TF: variants seen among roughly 807,000 people sequenced by gnomAD.
TF encodes the protein serotransferrin.
Under a neutral mutation model 82.4 loss-of-function variants are expected in TF, and 55 were observed. That is an observed-to-expected ratio of 0.67 (90% CI 0.54 to 0.84). The LOEUF (loss-of-function observed/expected upper bound fraction) is 0.84. Among genes scored for constraint, TF ranks in the 40% least tolerant of loss-of-function variants. The pLI, the probability that TF is intolerant of heterozygous loss-of-function variation, is 0.00. For missense variants in TF, 737 were observed against 868.4 expected, an observed-to-expected ratio of 0.85 and a Z score of 1.90; for synonymous variants, 332 against 332.6, an observed-to-expected ratio of 1.00 and a Z score of 0.02.
At chr3:133,748,333 C>A in intron 1 of TF, 79 bp from the exon 2 acceptor site, 1 of 1,582,476 alleles carries the variant, frequency 6.3e-7, no homozygotes, top group South Asian at 1.1e-5. Flanking sequence ...ATGTGGCTGT[C>A]AAGGCCTTTC....
chr3:133,788,218 G>C lies in TF; in HGVS notation c.*9598G>C, dbSNP rs13321671. ...ACTCTCCAACAGAGTAAATGACTTT[G>C]TAACTTTATTTCATCCTCTCCATTT... On this transcript the variant is annotated 3_prime_UTR_variant, in exon 17 of 17. Coordinates refer to ENST00000402696, the MANE Select transcript of TF (RefSeq NM_001063.4). 0.069 allele frequency: 10,574 copies of C among 152,256 alleles called. 404 individuals are homozygous for C. The highest frequency in any genetic ancestry group is 0.087 in the Non-Finnish European group (5,887 of 68,006). 9.4% of individuals were successfully genotyped at this position (152,256 alleles called of 1,614,324 possible).
the TF span, among the ~76,000 whole-genome samples, chr3:133,731,877 G>A: frequency 9.2e-5 from 14 of 152,262 alleles, no homozygotes; most frequent in East Asian, 1.9e-4. Context: ...ATTACTGTAC[G>A]GATTGCATGT....
intron 7 of TF, 84 bp from the exon 8 acceptor site, chr3:133,757,685 C>A: frequency 7.4e-7 from 1 of 1,350,918 alleles, no homozygotes; most frequent in Non-Finnish European, 1.1e-6. Context: ...TTGTTTCCTG[C>A]AGAGATTTCT....
the TF span, among the ~76,000 whole-genome samples, chr3:133,718,834 G>A: frequency 6.6e-6 from 1 of 152,180 alleles, no homozygotes; most frequent in Non-Finnish European, 1.5e-5. Context: ...TACCTACCTT[G>A]CCCTGAAATA....
At chr3:133,666,682 A>T in the TF span, among the ~76,000 whole-genome samples, 1 of 152,136 alleles carries the variant, frequency 6.6e-6, no homozygotes, top group Non-Finnish European at 1.5e-5. Flanking sequence ...ATTTAATTAG[A>T]TAAGCAAAAG....
rs1934527197 is a variant in TF, at chr3:133,782,114, G to A, written c.*3494G>A. The A allele has an allele frequency of 1.3e-5, 2 of 152,088 alleles. No homozygotes were observed. The highest frequency in any genetic ancestry group is 4.1e-4 in the South Asian group (2 of 4,832). 9.4% of individuals were successfully genotyped at this position (152,088 alleles called of 1,614,324 possible). A position where few individuals can be genotyped will look rare whatever the true frequency, so the allele number is the denominator to read the frequency against. ...ATTATGAGACACTAGATAATAATAG[G>A]ATGACTATTATCAAAAAGTCAAAAG... is the stretch of plus-strand genomic sequence containing the variant. On this transcript the variant is annotated 3_prime_UTR_variant, in exon 17 of 17. Transcript: ENST00000402696.
the TF span, among the ~76,000 whole-genome samples, chr3:133,691,179 A>G: frequency 6.6e-6 from 1 of 152,240 alleles, no homozygotes; most frequent in Non-Finnish European, 1.5e-5. Flanking sequence ...TAGGGAAATG[A>G]TCCAACCTCA....
At chr3:133,716,744 A>T in the TF span, among the ~76,000 whole-genome samples, 1 of 152,096 alleles carries the variant, frequency 6.6e-6, no homozygotes. Flanking sequence ...TTCCCATATC[A>T]CTCGGAGTAA....
chr3:133,753,794 T>C (rs984365299), intron 3 of TF, 91 bp downstream of exon 3: 4 of 1,018,886 alleles, frequency 3.9e-6, no homozygotes, highest in Non-Finnish European at 4.7e-6. Flanking sequence ...GGATATCAGA[T>C]ATAATGAACA....
At position 133,781,373 on chromosome 3, in the gene TF, T is replaced by C. The variant is rs1006222425; in HGVS notation, c.*2753T>C. ...AAGTGGTAAAAGTGGTAAGATAAAATTCAGTAAAGTGAAAGGAAATATTAA... is the reference window on the plus strand; with the variant it reads ...AAGTGGTAAAAGTGGTAAGATAAAACTCAGTAAAGTGAAAGGAAATATTAA... On this transcript the variant is annotated 3_prime_UTR_variant, in exon 17 of 17. Transcript: ENST00000402696. 1 of 151,846 alleles carries C rather than the reference T, an allele frequency of 6.6e-6. No homozygotes were observed. Among genetic ancestry groups the C allele is most frequent in the Non-Finnish European group, 1.5e-5 (1 of 67,952 alleles). 9.4% of individuals were successfully genotyped at this position (151,846 alleles called of 1,614,324 possible).
intron 2 of TF, among the ~76,000 whole-genome samples, chr3:133,751,918 C>G (rs555506384): frequency 9.9e-5 from 15 of 152,148 alleles, no homozygotes; most frequent in African/African-American, 3.6e-4. Flanking sequence ...CGTTTGAACC[C>G]TGGAGGCAGA....
chr3:133,681,193 C>T, the TF span, among the ~76,000 whole-genome samples: 2,529 of 152,262 alleles, frequency 0.017, 43 homozygotes, highest in Non-Finnish European at 0.027. Context: ...TTTGAGTCAC[C>T]GAAGTTAAGA....
At position 133,779,898 on chromosome 3, in the gene TF, T is replaced by C. The variant is rs1934480428; in HGVS notation, c.*1278T>C. On this transcript the variant is annotated 3_prime_UTR_variant, in exon 17 of 17. Transcript: ENST00000402696. ...TCCATATCAGCTGAAGACCTGGTCA[T>C]CTACCCAATCACATAAGCCATAAAT... The C allele has an allele frequency of 6.6e-6, 1 of 152,226 alleles. No individual in the cohort carries two copies. The highest frequency in any genetic ancestry group is 2.1e-4 in the South Asian group (1 of 4,828). The allele number at this position is 152,226 out of a possible 1,614,324, so 9.4% of individuals were successfully genotyped here.
At chr3:133,727,942 G>A in the TF span, among the ~76,000 whole-genome samples, 1 of 151,960 alleles carries the variant, frequency 6.6e-6, no homozygotes, top group African/African-American at 2.4e-5. Context: ...ATGAAATTCT[G>A]GATTGAAAAT....
chr3:133,693,928 C>T, the TF span, among the ~76,000 whole-genome samples: 4 of 152,246 alleles, frequency 2.6e-5, no homozygotes, highest in Middle Eastern at 3.4e-3. Context: ...GGCTCTCACA[C>T]CCTGCAGCGG....
At chr3:133,710,739 A>G in the TF span, among the ~76,000 whole-genome samples, 2 of 152,194 alleles carry the variant, frequency 1.3e-5, no homozygotes, top group Non-Finnish European at 2.9e-5. Context: ...TGGTGTGTCC[A>G]ACAATTTCTC....
chr3:133,770,366 C>T, intron 13 of TF, 142 bp from the exon 14 acceptor site: 1 of 783,564 alleles, frequency 1.3e-6, no homozygotes, highest in Non-Finnish European at 2.3e-6. Context: ...TCTCTTTATT[C>T]CTTACATTGC....
intron 9 of TF, among the ~76,000 whole-genome samples, chr3:133,763,607 C>T (rs1934049714): frequency 6.6e-6 from 1 of 152,316 alleles, no homozygotes; most frequent in African/African-American, 2.4e-5. Flanking sequence ...AGTATATTGC[C>T]AGGCCAAAGG....
intron 16 of TF, 150 bp downstream of exon 16, chr3:133,777,388 A>T: frequency 1.3e-6 from 1 of 740,786 alleles, no homozygotes; most frequent in Non-Finnish European, 2.3e-6. Context: ...TAAGCCCGGC[A>T]TGTATGACAG....
Sources: gnomAD v4.1 joint callset for allele counts (sites outside exome capture counted in the v4.1 genomes callset) on GRCh38, gnomAD v4.1.1 for gene constraint, MANE v1.5 for transcripts, NCBI Gene and HGNC (gene_info 2026-07-23, HGNC 2026-07-21) for gene names.